FRAS1: variants seen among roughly 807,000 people sequenced by gnomAD.
FRAS1 encodes the protein Fraser extracellular matrix complex subunit 1, also known as extracellular matrix organizing protein FRAS1.
In FRAS1, 290 loss-of-function variants were observed where a neutral mutation model predicts 435.2. That is an observed-to-expected ratio of 0.67 (90% CI 0.61 to 0.73). FRAS1 has a LOEUF of 0.73. Among genes scored for constraint, FRAS1 ranks in the 30% least tolerant of loss-of-function variants. The probability of loss-of-function intolerance (pLI) is 0.00; values close to 1 mark genes in which losing one functional copy is unlikely to be tolerated. For synonymous variants in FRAS1, 1,800 were observed against 1,851.0 expected, an observed-to-expected ratio of 0.97 and a Z score of 0.71; for missense variants, 4,860 against 5,001.5, an observed-to-expected ratio of 0.97 and a Z score of 0.85.
rs370454675 is a variant in FRAS1 at position 78,258,561 on chromosome 4, C to T, written c.603+3186C>T. On this transcript the variant is annotated intron_variant, in intron 6 of 73. Coordinates refer to ENST00000512123, the MANE Select transcript of FRAS1 (RefSeq NM_025074.7). Reference sequence around the variant, plus strand: ...GGAGGAGAAATCTGAGGTTTGTCTGCTTTCTATTGTATTACATGCAGCTAA... The same window carrying T: ...GGAGGAGAAATCTGAGGTTTGTCTGTTTTCTATTGTATTACATGCAGCTAA... Among the ~76,000 whole-genome samples the T allele has an allele frequency of 3.7e-4, 54 of 146,456 alleles. No homozygotes were observed. The East Asian group carries it at 0.01, about 28-fold the overall frequency.
At chr4:78,381,217 T>C (rs1461469574) in intron 27 of FRAS1, among the ~76,000 whole-genome samples, 1 of 152,216 alleles carries the variant, frequency 6.6e-6, no homozygotes, top group African/African-American at 2.4e-5. Flanking sequence ...GAAGTATTGC[T>C]ACAGAGATGG....
chr4:78,090,742 C>T (rs749913618), intron 2 of FRAS1, among the ~76,000 whole-genome samples: 2 of 152,146 alleles, frequency 1.3e-5, no homozygotes, highest in Admixed American at 6.6e-5. Context: ...TTCTACAAGT[C>T]GACAACTGAA....
intron 13 of FRAS1, 24 bp downstream of exon 13, chr4:78,284,572 A>G: frequency 6.3e-7 from 1 of 1,594,376 alleles, no homozygotes; most frequent in Non-Finnish European, 8.5e-7. Flanking sequence ...TGGACAACCC[A>G]GAGGTGGTGG....
intron 2 of FRAS1, among the ~76,000 whole-genome samples, chr4:78,128,912 A>G (rs1212324551): frequency 1.3e-5 from 2 of 152,158 alleles, no homozygotes; most frequent in Non-Finnish European, 2.9e-5. Context: ...TCTTTAATCC[A>G]TCTTGAATTA....
At chr4:78,126,481 G>A (rs555391264) in intron 2 of FRAS1, among the ~76,000 whole-genome samples, 25 of 152,166 alleles carry the variant, frequency 1.6e-4, no homozygotes, top group African/African-American at 2.2e-4. Flanking sequence ...CATCTTCTGC[G>A]TCAATCTCAC....
chr4:78,503,240 A>G (rs1720734044), intron 61 of FRAS1, among the ~76,000 whole-genome samples: 1 of 152,236 alleles, frequency 6.6e-6, no homozygotes, highest in Non-Finnish European at 1.5e-5. Context: ...AAAATGAGTT[A>G]GGGAGAATTA....
chr4:78,282,744 TAAGTTCTTCA>T, intron 11 of FRAS1, 66 bp from the exon 12 acceptor site: 5 of 1,554,742 alleles, frequency 3.2e-6, no homozygotes, highest in Non-Finnish European at 3.5e-6. Context: ...ATGGAAATTG[TAAGTTCTTCA>T]GCAGCAAGCT....
In FRAS1 at chr4:78,374,245, T is replaced by C. The variant is rs1428056736; in HGVS notation, c.3145T>C (p.Cys1049Arg). Residue 1049 changes from cysteine (C) to arginine (R), a missense_variant, in exon 25 of 74, where the codon TGC (cysteine) becomes CGC (arginine). Transcript: ENST00000512123. ...GYFADHAKHK[C>R]TACPQGCLQC... ...CTTTGCAGATCATGCAAAGCACAAA[T>C]GCACAGGTAACTTGGAGACTGCTGA... The C allele has an allele frequency of 6.3e-7, 1 of 1,579,804 alleles. No homozygotes were observed. Among genetic ancestry groups the C allele is most frequent in the South Asian group, 1.1e-5 (1 of 88,198 alleles).
chr4:78,059,741 C>A (rs1051342405), intron 1 of FRAS1, among the ~76,000 whole-genome samples: 1 of 151,806 alleles, frequency 6.6e-6, no homozygotes, highest in Non-Finnish European at 1.5e-5. Flanking sequence ...ACTCTGAAAT[C>A]AACAAAAGGC....
chr4:78,430,419 T>A lies in FRAS1; in HGVS notation c.4969+2T>A. The stretch of plus-strand genomic sequence containing the variant: ...AGTTCCGAAGGCCGATGGCCACAGG[T>A]AGCTACACACCTACACACTCTGTCA... On this transcript the variant is annotated splice_donor_variant, in intron 37 of 73. Transcript: ENST00000512123. LOFTEE classifies it high-confidence loss of function. 6.2e-7 allele frequency: 1 copy of A among 1,612,530 alleles called. No individual in the cohort carries two copies. Among genetic ancestry groups the A allele is most frequent in the Non-Finnish European group, 8.5e-7 (1 of 1,179,290 alleles).
intron 2 of FRAS1, among the ~76,000 whole-genome samples, chr4:78,188,748 A>G (rs1432415234): frequency 6.6e-6 from 1 of 152,190 alleles, no homozygotes; most frequent in Non-Finnish European, 1.5e-5. Context: ...CAGATTTTAT[A>G]TGGACTCTGT....
chr4:78,183,418 C>T (rs530956571), intron 2 of FRAS1, among the ~76,000 whole-genome samples: 2 of 152,254 alleles, frequency 1.3e-5, no homozygotes, highest in African/African-American at 2.4e-5. Flanking sequence ...GTTGTTTTGG[C>T]GTCCCCGGAA....
chr4:78,287,741 A>G (rs750972000), intron 14 of FRAS1, among the ~76,000 whole-genome samples: 3 of 152,216 alleles, frequency 2.0e-5, no homozygotes, highest in Non-Finnish European at 4.4e-5. Flanking sequence ...TGCAGGTCCT[A>G]TGTGGAGGAG....
chr4:78,096,300 T>C (rs1261693837), intron 2 of FRAS1, among the ~76,000 whole-genome samples: 2 of 152,180 alleles, frequency 1.3e-5, no homozygotes, highest in African/African-American at 2.4e-5. Context: ...GCTATTTTCA[T>C]AGGCTGGCAT....
chr4:78,206,602 A>G (rs1723268869), intron 2 of FRAS1, among the ~76,000 whole-genome samples: 1 of 152,170 alleles, frequency 6.6e-6, no homozygotes, highest in Non-Finnish European at 1.5e-5. Flanking sequence ...TTCACGTAAT[A>G]TTTGTGGGAA....
At chr4:78,488,768 G>T in intron 58 of FRAS1, 107 bp from the exon 59 acceptor site, 2 of 956,872 alleles carry the variant, frequency 2.1e-6, no homozygotes, top group Non-Finnish European at 3.1e-6. Context: ...CTTGGGCTTT[G>T]GTGGAGCTCA....
chr4:78,293,262 G>T (rs1159968400), intron 14 of FRAS1, among the ~76,000 whole-genome samples: 5 of 152,184 alleles, frequency 3.3e-5, no homozygotes, highest in Non-Finnish European at 7.3e-5. Flanking sequence ...AGTCATTGGG[G>T]CAGGGACATG....
intron 31 of FRAS1, among the ~76,000 whole-genome samples, chr4:78,410,871 A>C (rs1197524184): frequency 6.6e-6 from 1 of 152,178 alleles, no homozygotes; most frequent in Non-Finnish European, 1.5e-5. Flanking sequence ...CTGATGTAAA[A>C]GTTTTGGCAT....
chr4:78,284,999 T>C (rs1175460752), intron 13 of FRAS1, among the ~76,000 whole-genome samples: 1 of 152,152 alleles, frequency 6.6e-6, no homozygotes, highest in Non-Finnish European at 1.5e-5. Flanking sequence ...CCAGAGAAAT[T>C]AACCAACTTG....
Sources: gnomAD v4.1 joint callset for allele counts (sites outside exome capture counted in the v4.1 genomes callset) on GRCh38, gnomAD v4.1.1 for gene constraint, MANE v1.5 for transcripts, NCBI Gene and HGNC (gene_info 2026-07-23, HGNC 2026-07-21) for gene names.